EYS: variants seen among roughly 807,000 people sequenced by gnomAD.
The protein encoded by EYS is EGF-like photoreceptor maintenance factor.
In EYS, 250 loss-of-function variants were observed where a neutral mutation model predicts 282.1. That is an observed-to-expected ratio of 0.89 (90% CI 0.80 to 0.98). The LOEUF (loss-of-function observed/expected upper bound fraction) is 0.98, where lower values mean the gene tolerates loss of function less well. Ranked by LOEUF, EYS falls within the 50% of genes least tolerant of loss-of-function variation. The pLI is 0.00. For synonymous variants in EYS, 1,355 were observed against 1,282.9 expected, an observed-to-expected ratio of 1.06 and a Z score of -1.20; for missense variants, 4,016 against 3,709.0, an observed-to-expected ratio of 1.08 and a Z score of -2.15.
At chr6:64,767,291 C>T (rs546030570) in intron 22 of EYS, among the ~76,000 whole-genome samples, 1 of 152,104 alleles carries the variant, frequency 6.6e-6, no homozygotes. Context: ...TTTAAATCCT[C>T]CTCTAGCTAG....
At chr6:65,582,999 C>T (rs544815592) in intron 2 of EYS, among the ~76,000 whole-genome samples, 1 of 152,120 alleles carries the variant, frequency 6.6e-6, no homozygotes, top group African/African-American at 2.4e-5. Context: ...TATTTCATTT[C>T]ATCACAGTAA....
At chr6:65,209,360 G>T (rs1490190621) in intron 12 of EYS, among the ~76,000 whole-genome samples, 1 of 150,718 alleles carries the variant, frequency 6.6e-6, no homozygotes, top group Non-Finnish European at 1.5e-5. Flanking sequence ...TATATTAAAA[G>T]AAAAAATATG....
chr6:65,697,457 C>G (rs1769495227), intron 1 of EYS, among the ~76,000 whole-genome samples: 1 of 152,018 alleles, frequency 6.6e-6, no homozygotes, highest in Non-Finnish European at 1.5e-5. Flanking sequence ...TTCAGTAGAT[C>G]TGACATTGAT....
intron 22 of EYS, among the ~76,000 whole-genome samples, chr6:64,773,008 G>C (rs995074502): frequency 4.0e-5 from 6 of 151,670 alleles, no homozygotes; most frequent in Admixed American, 2.6e-4. Context: ...AATTCAGGGG[G>C]ATGTGGACAG....
At chr6:64,187,726 T>A (rs1401095978) in intron 31 of EYS, among the ~76,000 whole-genome samples, 1 of 152,070 alleles carries the variant, frequency 6.6e-6, no homozygotes, top group Non-Finnish European at 1.5e-5. Flanking sequence ...GCAATAGATA[T>A]TGTTTCATTA....
intron 28 of EYS, among the ~76,000 whole-genome samples, chr6:64,390,853 G>T (rs1426646653): frequency 4.2e-5 from 6 of 141,312 alleles, no homozygotes; most frequent in Non-Finnish European, 7.7e-5. Flanking sequence ...TCAAACCAAA[G>T]GCAAAGAAGT....
chr6:64,886,039 A>G (rs1767074362), intron 19 of EYS, among the ~76,000 whole-genome samples: 1 of 150,886 alleles, frequency 6.6e-6, no homozygotes, highest in Non-Finnish European at 1.5e-5. Flanking sequence ...AATTGTCTGA[A>G]AAAATACATA....
intron 14 of EYS, among the ~76,000 whole-genome samples, chr6:64,977,802 A>G (rs749833792): frequency 1.8e-4 from 28 of 151,916 alleles, no homozygotes; most frequent in Non-Finnish European, 4.1e-4. Flanking sequence ...AAGATCAAAT[A>G]AGTCATGATA....
chr6:65,677,593 T>G (rs1384190259), intron 1 of EYS, among the ~76,000 whole-genome samples: 2 of 151,962 alleles, frequency 1.3e-5, no homozygotes, highest in Admixed American at 6.6e-5. Context: ...GTATAAATAT[T>G]GGAAGCCTTA....
chr6:64,949,891 A>G (rs1326072342), intron 14 of EYS, among the ~76,000 whole-genome samples: 1 of 151,930 alleles, frequency 6.6e-6, no homozygotes, highest in Non-Finnish European at 1.5e-5. Flanking sequence ...GGTAGTAATA[A>G]CTATAATATT....
At chr6:64,862,511 T>A (rs571564231) in intron 19 of EYS, among the ~76,000 whole-genome samples, 1 of 152,172 alleles carries the variant, frequency 6.6e-6, no homozygotes, top group African/African-American at 2.4e-5. Flanking sequence ...CTGCTATAAT[T>A]GTTCATCTTT....
At chr6:64,465,031 A>G (rs983094718) in intron 26 of EYS, among the ~76,000 whole-genome samples, 8 of 151,960 alleles carry the variant, frequency 5.3e-5, no homozygotes, top group African/African-American at 1.9e-4. Flanking sequence ...AAATAAGTAA[A>G]ATACTTAGGA....
chr6:65,473,834 G>A (rs1765302654), intron 5 of EYS, among the ~76,000 whole-genome samples: 1 of 148,264 alleles, frequency 6.7e-6, no homozygotes, highest in African/African-American at 2.5e-5. Context: ...TGTTGGTTAT[G>A]GGATTTTTGT....
chr6:65,100,150 C>T (rs1182381736), intron 12 of EYS, among the ~76,000 whole-genome samples: 1 of 150,706 alleles, frequency 6.6e-6, no homozygotes, highest in Non-Finnish European at 1.5e-5. Context: ...ACCTTTTGTG[C>T]GGACAGTTCA....
intron 2 of EYS, among the ~76,000 whole-genome samples, chr6:65,583,405 T>G (rs1484355706): frequency 6.6e-6 from 1 of 152,014 alleles, no homozygotes; most frequent in Non-Finnish European, 1.5e-5. Context: ...TTTATATAAG[T>G]GGTAGAAGTT....
intron 35 of EYS, among the ~76,000 whole-genome samples, chr6:63,888,893 T>G (rs901499401): frequency 6.6e-6 from 1 of 152,018 alleles, no homozygotes; most frequent in Non-Finnish European, 1.5e-5. Context: ...AGAACCTTGA[T>G]AAAAGGTTAG....
At chr6:64,936,220 T>C (rs1164787679) in intron 15 of EYS, among the ~76,000 whole-genome samples, 1 of 151,460 alleles carries the variant, frequency 6.6e-6, no homozygotes, top group Non-Finnish European at 1.5e-5. Flanking sequence ...TTGACAGCAT[T>C]TGAAAACATT....
chr6:64,093,063 T>C (rs1772431859), intron 31 of EYS, among the ~76,000 whole-genome samples: 1 of 152,196 alleles, frequency 6.6e-6, no homozygotes, highest in South Asian at 2.1e-4. Context: ...CAGATAGTTG[T>C]AGATATGTGG....
At chr6:65,070,770 C>T (rs777446224) in intron 12 of EYS, among the ~76,000 whole-genome samples, 3 of 151,804 alleles carry the variant, frequency 2.0e-5, no homozygotes, top group Non-Finnish European at 2.9e-5. Context: ...CCACTCATGT[C>T]TATGTTTAAG....
Sources: allele counts gnomAD v4.1 joint callset (sites outside exome capture counted in the v4.1 genomes callset), GRCh38; gene constraint gnomAD v4.1.1; transcripts MANE v1.5; gene names NCBI Gene and HGNC (gene_info 2026-07-23, HGNC 2026-07-21).